CD226: variants seen among roughly 807,000 people sequenced by gnomAD.
CD226 encodes the protein CD226 molecule, also known as CD226 antigen.
Under a neutral mutation model 34.9 loss-of-function variants are expected in CD226, and 24 were observed. That is an observed-to-expected ratio of 0.69 (90% confidence interval 0.50 to 0.97). CD226 has a LOEUF of 0.97. Ranked by LOEUF, CD226 falls within the 50% of genes least tolerant of loss-of-function variation. The probability of loss-of-function intolerance (pLI) is 0.00; values close to 1 mark genes in which losing one functional copy is unlikely to be tolerated. For missense variants in CD226, 397 were observed against 412.7 expected (o/e 0.96, Z 0.33); for synonymous variants, 148 against 147.4 (o/e 1.00, Z -0.03).
chr18:69,960,734 G>A (rs916121493), upstream of CD226, among the ~76,000 whole-genome samples: 3 of 152,184 alleles, frequency 2.0e-5, no homozygotes, highest in Non-Finnish European at 4.4e-5. Flanking sequence ...ACAGGCATGA[G>A]CCACTGTGCC....
In CD226 at chr18:69,895,705, G is replaced by A. The variant is rs142661943; in HGVS notation, c.723C>T (p.Ala241=). The A allele has an allele frequency of 2.2e-4, 352 of 1,609,192 alleles. No individual in the cohort carries two copies. The highest frequency in any genetic ancestry group is 1.3e-3 in the Middle Eastern group (8 of 6,046). Residue 241 remains alanine (A), a synonymous_variant, in exon 3 of 6, where the codon GCC becomes GCT. Transcript: ENST00000582621. ...AGATGTCTGGTGCTCACTCACCCTC[G>A]GCTACAGTCAATCTCATCACGAAGG... The part of the protein sequence containing the change: ...NETFVMRLTV[A]EGKTDNQYTL...
chr18:69,871,270 C>A (rs567850608), intron 4 of CD226, among the ~76,000 whole-genome samples: 1 of 152,294 alleles, frequency 6.6e-6, no homozygotes, highest in East Asian at 1.9e-4. Context: ...GTGCTACTAA[C>A]ACCTCGGTTC....
chr18:69,913,716 C>T (rs376173762), intron 2 of CD226, among the ~76,000 whole-genome samples: 2 of 152,128 alleles, frequency 1.3e-5, no homozygotes, highest in Admixed American at 6.6e-5. Context: ...ATGGACCTCA[C>T]GAGCAGGCAG....
At chr18:69,915,448 A>C (rs778363538) in intron 2 of CD226, among the ~76,000 whole-genome samples, 1 of 152,248 alleles carries the variant, frequency 6.6e-6, no homozygotes, top group Non-Finnish European at 1.5e-5. Flanking sequence ...TGGAGAAAAC[A>C]AACAATTCTT....
chr18:69,896,404 A>G (rs1985304483), intron 2 of CD226, among the ~76,000 whole-genome samples: 1 of 152,134 alleles, frequency 6.6e-6, no homozygotes, highest in South Asian at 2.1e-4. Flanking sequence ...GATGGTCTCA[A>G]TCTCCTGACC....
chr18:69,857,200 A>G lies in CD226; in HGVS notation c.*7114T>C, dbSNP rs1028339416. The G allele has an allele frequency of 6.6e-6, 1 of 152,234 alleles. No homozygotes were observed. Among genetic ancestry groups the G allele is most frequent in the African/African-American group, 2.4e-5 (1 of 41,474 alleles). The allele number at this position is 152,234 out of a possible 1,614,324, so 9.4% of individuals were successfully genotyped here. On this transcript the variant is annotated 3_prime_UTR_variant, in exon 6 of 6. Transcript: ENST00000582621. Reference sequence around the variant, plus strand: ...AGATAGCTATTCATTAGACATTGAAAGAATTATAAAATAGACATACAAAAT... The same window carrying G: ...AGATAGCTATTCATTAGACATTGAAGGAATTATAAAATAGACATACAAAAT...
At chr18:69,913,567 G>C (rs534859643) in intron 2 of CD226, among the ~76,000 whole-genome samples, 6 of 152,258 alleles carry the variant, frequency 3.9e-5, no homozygotes, top group African/African-American at 1.4e-4. Context: ...AAAAAAAATA[G>C]ATCATCTTAG....
intron 2 of CD226, among the ~76,000 whole-genome samples, chr18:69,936,016 T>C (rs1384885812): frequency 6.6e-6 from 1 of 152,036 alleles, no homozygotes; most frequent in Non-Finnish European, 1.5e-5. Context: ...CTCAGAAGTG[T>C]CAAAGACTGG....
chr18:69,940,393 A>G (rs2055708595), intron 2 of CD226, among the ~76,000 whole-genome samples: 1 of 152,244 alleles, frequency 6.6e-6, no homozygotes, highest in African/African-American at 2.4e-5. Flanking sequence ...GGTAACAGGT[A>G]GAGGTTGGAA....
chr18:69,870,192 A>G (rs1983426581), intron 4 of CD226, among the ~76,000 whole-genome samples: 1 of 151,602 alleles, frequency 6.6e-6, no homozygotes, highest in Non-Finnish European at 1.5e-5. Flanking sequence ...GTAAAAATAT[A>G]TATCTAACAT....
At chr18:69,915,128 G>A (rs773118192) in intron 2 of CD226, among the ~76,000 whole-genome samples, 36 of 152,158 alleles carry the variant, frequency 2.4e-4, no homozygotes, top group Non-Finnish European at 5.0e-4. Flanking sequence ...ACCTGGACAC[G>A]ATTTCAAAAT....
At chr18:69,946,520 C>A (rs1021079594) in intron 2 of CD226, among the ~76,000 whole-genome samples, 1 of 152,096 alleles carries the variant, frequency 6.6e-6, no homozygotes, top group African/African-American at 2.4e-5. Flanking sequence ...ATTTGAAAGG[C>A]ACTTCTACTC....
intron 2 of CD226, among the ~76,000 whole-genome samples, chr18:69,917,514 T>C (rs557941516): frequency 6.6e-6 from 1 of 152,354 alleles, no homozygotes; most frequent in South Asian, 2.1e-4. Flanking sequence ...GCTCATATTT[T>C]AGCCTATATG....
At chr18:69,951,779 T>C (rs1190720104), upstream of CD226, among the ~76,000 whole-genome samples, 1 of 152,118 alleles carries the variant, frequency 6.6e-6, no homozygotes, top group African/African-American at 2.4e-5. Flanking sequence ...TCAAAACAGA[T>C]GTTAGGTAGG....
chr18:69,946,756 CT>C lies in CD226; in HGVS notation c.359del (p.Lys120ArgfsTer2), dbSNP rs1435889871. The C allele has an allele frequency of 6.2e-7, 1 of 1,612,870 alleles. No homozygotes were observed. Among genetic ancestry groups the C allele is most frequent in the Non-Finnish European group, 8.5e-7 (1 of 1,179,474 alleles). On this transcript the variant is annotated frameshift_variant, in exon 2 of 6. Transcript: ENST00000582621. LOFTEE classifies it high-confidence loss of function. ...TACCTGACTGAACCACCTGTATCACCTTCTGCCAAGTTCCCTGTGGGTAAGT... is the reference window on the plus strand; with the variant it reads ...TACCTGACTGAACCACCTGTATCACCTCTGCCAAGTTCCCTGTGGGTAAGT... Reference protein sequence around the residue: ...LYTYPQGTWQKVIQVVQSDSF... With the variant: ...LYTYPQGTWQXVIQVVQSDSF...
At chr18:69,938,019 C>G (rs1358794268) in intron 2 of CD226, among the ~76,000 whole-genome samples, 2 of 152,060 alleles carry the variant, frequency 1.3e-5, no homozygotes, top group African/African-American at 4.8e-5. Context: ...GAGATAAGAG[C>G]CTTCTAAGAA....
At chr18:69,874,026 GAA>G (rs148044135) in intron 3 of CD226, among the ~76,000 whole-genome samples, 3 of 148,966 alleles carry the variant, frequency 2.0e-5, no homozygotes, top group Non-Finnish European at 4.5e-5. Flanking sequence ...CAAAAAATCA[GAA>G]AAAAAAAATG....
At chr18:69,911,007 C>A (rs1346111035) in intron 2 of CD226, among the ~76,000 whole-genome samples, 1 of 152,140 alleles carries the variant, frequency 6.6e-6, no homozygotes, top group African/African-American at 2.4e-5. Flanking sequence ...ATAATGAGTT[C>A]TCATGGGTGG....
At chr18:69,892,690 T>A (rs1984976484) in intron 3 of CD226, among the ~76,000 whole-genome samples, 1 of 152,122 alleles carries the variant, frequency 6.6e-6, no homozygotes, top group Non-Finnish European at 1.5e-5. Flanking sequence ...CTCTGTTGAG[T>A]GACCTGGTAC....
Sources: allele counts gnomAD v4.1 joint callset (sites outside exome capture counted in the v4.1 genomes callset), GRCh38; gene constraint gnomAD v4.1.1; transcripts MANE v1.5; gene names NCBI Gene and HGNC (gene_info 2026-07-23, HGNC 2026-07-21).